Variants in PRELID2 observed in about 807,000 individuals in gnomAD.
PRELID2 encodes PRELI domain containing 2, also known as PRELI domain-containing protein 2.
PRELID2 carries 25 observed loss-of-function variants against 28.4 expected under a neutral mutation model. That is an observed-to-expected ratio of 0.88 (90% CI 0.64 to 1.23). PRELID2 has a LOEUF of 1.23. Ranked by LOEUF, PRELID2 falls within the 50% of genes most tolerant of loss-of-function variation. The pLI is 0.00. For missense variants in PRELID2, 201 were observed against 214.4 expected (o/e 0.94, Z 0.39); for synonymous variants, 76 against 71.6 (o/e 1.06, Z -0.31).
At chr5:145,294,724 A>T in the PRELID2 span, among the ~76,000 whole-genome samples, 1 of 152,164 alleles carries the variant, frequency 6.6e-6, no homozygotes, top group East Asian at 1.9e-4. Context: ...ACTTACCCTG[A>T]TCCATGTAGT....
At chr5:145,382,960 A>G in the PRELID2 span, among the ~76,000 whole-genome samples, 17 of 151,858 alleles carry the variant, frequency 1.1e-4, no homozygotes, top group Non-Finnish European at 2.2e-4. Context: ...CCTCTGAAAC[A>G]CTACTGAGAG....
chr5:145,265,606 G>T, the PRELID2 span, among the ~76,000 whole-genome samples: 11 of 152,066 alleles, frequency 7.2e-5, no homozygotes, highest in Admixed American at 4.6e-4. Flanking sequence ...GCATGGTATT[G>T]GTATAAAAAT....
chr5:145,713,682 T>TAC (rs1366693312), intron 1 of PRELID2, among the ~76,000 whole-genome samples: 1 of 97,966 alleles, frequency 1.0e-5, no homozygotes, highest in Middle Eastern at 5.3e-3. Context: ...TATATATATA[T>TAC]ACACACACTA....
the PRELID2 span, among the ~76,000 whole-genome samples, chr5:145,285,834 A>G: frequency 6.6e-6 from 1 of 152,166 alleles, no homozygotes. Context: ...AATTCAAGTA[A>G]AGGTTTAAAA....
chr5:145,570,317 C>A (rs1753005302), intron 1 of PRELID2, among the ~76,000 whole-genome samples: 1 of 152,070 alleles, frequency 6.6e-6, no homozygotes, highest in Admixed American at 6.6e-5. Flanking sequence ...AGAGGTTTTC[C>A]ACTATGACGT....
chr5:145,552,258 C>T (rs997039542), intron 1 of PRELID2, among the ~76,000 whole-genome samples: 1 of 152,204 alleles, frequency 6.6e-6, no homozygotes, highest in African/African-American at 2.4e-5. Context: ...GGTCATTCAT[C>T]ATCCATGTGC....
At chr5:145,430,451 G>A in the PRELID2 span, among the ~76,000 whole-genome samples, 1 of 152,094 alleles carries the variant, frequency 6.6e-6, no homozygotes, top group East Asian at 1.9e-4. Context: ...GCACCTTCAT[G>A]GAAACACTGT....
rs780838745 is a variant in PRELID2 at position 145,537,750 on chromosome 5, A to G, written n.71-64435T>C. Among the ~76,000 whole-genome samples the G allele has an allele frequency of 1.4e-4, 22 of 151,920 alleles. 1 individual carries two copies. Among genetic ancestry groups the G allele is most frequent in the Middle Eastern group, 3.4e-3 (1 of 294 alleles). On this transcript the variant is annotated intron_variant and non_coding_transcript_variant, in intron 1 of 2. Transcript: ENST00000510259. ...ATTCTAGAGATCAACCCCTAGTTAG[A>G]TGTATAGTTTGCAAATATTTTCTCC...
At chr5:145,682,213 A>G (rs946263512) in intron 1 of PRELID2, among the ~76,000 whole-genome samples, 10 of 152,230 alleles carry the variant, frequency 6.6e-5, no homozygotes, top group African/African-American at 2.4e-4. Context: ...AGCCACAAAG[A>G]GAAAAATAAT....
intron 5 of PRELID2, among the ~76,000 whole-genome samples, chr5:145,767,447 C>T (rs148105982): frequency 4.1e-4 from 63 of 152,224 alleles, no homozygotes; most frequent in African/African-American, 1.4e-3. Flanking sequence ...GACAAGGAGC[C>T]GGGTGCAAGT....
chr5:145,748,103 A>G (rs1170266049), intron 1 of PRELID2, among the ~76,000 whole-genome samples: 1 of 152,224 alleles, frequency 6.6e-6, no homozygotes, highest in African/African-American at 2.4e-5. Context: ...TGGTAAAGAC[A>G]AGGATGCCCT....
chr5:145,527,659 T>C (rs891426461), intron 1 of PRELID2, among the ~76,000 whole-genome samples: 1 of 152,122 alleles, frequency 6.6e-6, no homozygotes, highest in Admixed American at 6.6e-5. Context: ...ATTAAGAGCT[T>C]TTACTGTAGA....
the PRELID2 span, among the ~76,000 whole-genome samples, chr5:145,444,485 T>C: frequency 5.3e-4 from 80 of 152,102 alleles, no homozygotes; most frequent in Non-Finnish European, 9.9e-4. Context: ...ATTTTTGCCA[T>C]TTTTCTATAG....
At chr5:145,463,421 A>G in the PRELID2 span, among the ~76,000 whole-genome samples, 1 of 149,278 alleles carries the variant, frequency 6.7e-6, no homozygotes, top group African/African-American at 2.5e-5. Flanking sequence ...TTACCATGTG[A>G]TGGGAGAAGT....
chr5:145,702,743 C>T (rs1034144538), intron 1 of PRELID2, among the ~76,000 whole-genome samples: 7 of 152,032 alleles, frequency 4.6e-5, no homozygotes, highest in Non-Finnish European at 7.4e-5. Context: ...AACCAAGAAG[C>T]ACATAGGGAA....
chr5:145,469,108 A>G (rs375476929), downstream of PRELID2, among the ~76,000 whole-genome samples: 37 of 152,242 alleles, frequency 2.4e-4, no homozygotes, highest in East Asian at 4.6e-3. Context: ...ATTGGCTGGG[A>G]CTAAGTAGCA....
chr5:145,281,629 C>T, the PRELID2 span, among the ~76,000 whole-genome samples: 2 of 152,200 alleles, frequency 1.3e-5, no homozygotes, highest in East Asian at 1.9e-4. Flanking sequence ...ATGAATGTTT[C>T]ACAGTGTTCC....
intron 1 of PRELID2, among the ~76,000 whole-genome samples, chr5:145,561,525 T>C (rs1380261828): frequency 1.3e-5 from 2 of 152,330 alleles, no homozygotes; most frequent in Non-Finnish European, 1.5e-5. Flanking sequence ...GACTTCAAAA[T>C]TAACAGTACT....
chr5:145,537,079 T>C (rs370808348), intron 1 of PRELID2, among the ~76,000 whole-genome samples: 9 of 151,922 alleles, frequency 5.9e-5, no homozygotes, highest in African/African-American at 2.2e-4. Flanking sequence ...TCCCGTCTTG[T>C]AAAAGAACGT....
Sources: gnomAD v4.1 joint callset for allele counts (sites outside exome capture counted in the v4.1 genomes callset) on GRCh38, gnomAD v4.1.1 for gene constraint, MANE v1.5 for transcripts, NCBI Gene and HGNC (gene_info 2026-07-23, HGNC 2026-07-21) for gene names.